The following ELAPOR2 variants were observed in gnomAD, a reference collection of about 807,000 sequenced individuals.
The protein encoded by ELAPOR2 is endosome-lysosome associated apoptosis and autophagy regulator family member 2.
In ELAPOR2, 89 loss-of-function variants were observed where a neutral mutation model predicts 120.7. The ratio of observed to expected loss-of-function variants is 0.74; its 90% CI spans 0.62 to 0.88. The LOEUF is 0.88. ELAPOR2 is among the 40% of genes least tolerant of loss of function. The probability of loss-of-function intolerance (pLI) is 0.00; values close to 1 mark genes in which losing one functional copy is unlikely to be tolerated. For synonymous variants in ELAPOR2, 444 were observed against 444.9 expected (o/e 1.00, Z 0.03); for missense variants, 1,134 against 1,251.6 (o/e 0.91, Z 1.42).
chr7:87,046,295 T>C (rs1794955320), intron 1 of ELAPOR2, among the ~76,000 whole-genome samples: 1 of 152,010 alleles, frequency 6.6e-6, no homozygotes, highest in Admixed American at 6.6e-5. Flanking sequence ...ATGAGAGAAA[T>C]TCAAGAGGCC....
intron 1 of ELAPOR2, among the ~76,000 whole-genome samples, chr7:87,006,121 C>T (rs1401575410): frequency 6.6e-6 from 1 of 152,088 alleles, no homozygotes; most frequent in Non-Finnish European, 1.5e-5. Context: ...GCTAGCTAAC[C>T]TTTTAGCACA....
At chr7:86,979,224 G>T (rs979583259) in intron 1 of ELAPOR2, among the ~76,000 whole-genome samples, 8 of 152,128 alleles carry the variant, frequency 5.3e-5, no homozygotes, top group Middle Eastern at 3.4e-3. Context: ...TAATTAAGAG[G>T]ACAAAAGTTG....
At chr7:86,977,621 CT>C (rs762330968) in intron 1 of ELAPOR2, among the ~76,000 whole-genome samples, 8 of 152,182 alleles carry the variant, frequency 5.3e-5, no homozygotes, top group Admixed American at 1.3e-4. Context: ...TCCAAAATAG[CT>C]TTACTTTCTA....
At chr7:87,037,760 C>A (rs1794635138) in intron 1 of ELAPOR2, among the ~76,000 whole-genome samples, 1 of 152,200 alleles carries the variant, frequency 6.6e-6, no homozygotes, top group Non-Finnish European at 1.5e-5. Context: ...CAAGTTGGCC[C>A]TTGAAATTAT....
At chr7:87,058,346 G>A (rs1027960515) in intron 1 of ELAPOR2, among the ~76,000 whole-genome samples, 3 of 152,130 alleles carry the variant, frequency 2.0e-5, no homozygotes, top group African/African-American at 7.2e-5. Flanking sequence ...ACGACCCATC[G>A]CCCTGATTCC....
Position 86,938,802 on chromosome 7 carries a change from T to C in ELAPOR2, c.1000+6A>G. ...AAGAAAAAAGCAGAGTATAAACTAGTTCTACCTGAAAATTGAGAGTCGTCT... is the reference window on the plus strand; with the variant it reads ...AAGAAAAAAGCAGAGTATAAACTAGCTCTACCTGAAAATTGAGAGTCGTCT... On this transcript the variant is annotated splice_donor_region_variant and intron_variant, in intron 7 of 21. Coordinates refer to ENST00000450689, the MANE Select transcript of ELAPOR2 (RefSeq NM_001142749.3). 6.2e-7 allele frequency: 1 copy of C among 1,612,768 alleles called. No individual in the cohort carries two copies. Among genetic ancestry groups the C allele is most frequent in the Non-Finnish European group, 8.5e-7 (1 of 1,179,052 alleles).
In ELAPOR2 at chr7:86,925,441, T is replaced by TA. The variant is rs1179961375; in HGVS notation, c.1399+86dup. ...ATAAGATTGAAGTTCCTCATACCCATACTTGGTATGTTTTAGAGAGCTAAG... is the reference window on the plus strand; with the variant it reads ...ATAAGATTGAAGTTCCTCATACCCATAACTTGGTATGTTTTAGAGAGCTAAG... On this transcript the variant is annotated intron_variant, in intron 10 of 21. Transcript: ENST00000450689. 7 of 1,371,296 alleles carry TA rather than the reference T, an allele frequency of 5.1e-6. No homozygotes were observed. In the African/African-American group the frequency reaches 1.0e-4, roughly 20 times the overall value. 84.9% of individuals were successfully genotyped at this position (1,371,296 alleles called of 1,614,324 possible). A position where few individuals can be genotyped will look rare whatever the true frequency, so the allele number is the denominator to read the frequency against.
intron 1 of ELAPOR2, among the ~76,000 whole-genome samples, chr7:86,993,536 C>T (rs1793022762): frequency 6.6e-6 from 1 of 152,138 alleles, no homozygotes; most frequent in African/African-American, 2.4e-5. Flanking sequence ...TAAGAGGAAT[C>T]TTACAAATAT....
intron 1 of ELAPOR2, among the ~76,000 whole-genome samples, chr7:87,052,954 G>GCCACCATT (rs1353495753): frequency 6.6e-6 from 1 of 151,944 alleles, no homozygotes; most frequent in African/African-American, 2.4e-5. Flanking sequence ...ATGCCACCAT[G>GCCACCATT]CCCAGCTGAT....
rs148005443 is a variant in ELAPOR2 at position 87,017,527 on chromosome 7, G to T, written c.189+41798C>A. ...GAATGAATATATGCTAAGGTATTAA[G>T]AGTACTCAGAATGCTTGGTTTGCTT... On this transcript the variant is annotated intron_variant, in intron 1 of 21. Transcript: ENST00000450689. Among the ~76,000 whole-genome samples, 6 of 152,268 alleles carry T rather than the reference G, an allele frequency of 3.9e-5. No individual in the cohort carries two copies. In the East Asian group the frequency reaches 9.6e-4, roughly 24 times the overall value.
intron 21 of ELAPOR2, among the ~76,000 whole-genome samples, chr7:86,888,145 G>T (rs931394573): frequency 3.9e-5 from 6 of 152,056 alleles, no homozygotes; most frequent in Admixed American, 3.9e-4. Flanking sequence ...ACCACCTGAT[G>T]AGTGCACTGC....
intron 2 of ELAPOR2, among the ~76,000 whole-genome samples, chr7:86,954,822 G>T (rs1205946285): frequency 6.6e-6 from 1 of 151,948 alleles, no homozygotes; most frequent in Non-Finnish European, 1.5e-5. Context: ...TTCTTCAATG[G>T]GTTAGTCTTA....
chr7:87,046,650 G>C (rs1383770604), intron 1 of ELAPOR2, among the ~76,000 whole-genome samples: 1 of 152,142 alleles, frequency 6.6e-6, no homozygotes, highest in East Asian at 1.9e-4. Context: ...GATAGTGAGT[G>C]AATTCTCATG....
In ELAPOR2 at chr7:87,059,346, G is replaced by C; in HGVS notation, c.168C>G (p.Arg56=). 1 of 1,248,234 alleles carries C rather than the reference G, an allele frequency of 8.0e-7. No homozygotes were observed. The highest frequency in any genetic ancestry group is 1.0e-6 in the Non-Finnish European group (1 of 988,718). 77.3% of individuals were successfully genotyped at this position (1,248,234 alleles called of 1,614,324 possible). The change falls in exon 1 of 22, where the codon CGC becomes CGG. Residue 56 remains arginine (R), a synonymous_variant. Transcript: ENST00000450689. ...WAGDLPSSSS[R]PLPPCQEKDY... ...TCACCTCCTGGCAAGGAGGAAGCGG[G>C]CGGCTGGAGGAGGAGGGCAGGTCCC...
intron 2 of ELAPOR2, among the ~76,000 whole-genome samples, chr7:86,963,157 G>A (rs1398470039): frequency 6.6e-6 from 1 of 152,132 alleles, no homozygotes; most frequent in African/African-American, 2.4e-5. Flanking sequence ...CATTTTTAAA[G>A]CAAGAATCAC....
intron 1 of ELAPOR2, among the ~76,000 whole-genome samples, chr7:86,983,769 C>G (rs56994317): frequency 1.3e-5 from 2 of 152,180 alleles, no homozygotes; most frequent in Admixed American, 6.5e-5. Context: ...TAGGAAGAAA[C>G]TGCATCAACT....
rs142219256 is a variant in ELAPOR2 at position 86,923,183 on chromosome 7, G to A, written c.1399+2345C>T. Among the ~76,000 whole-genome samples, 477 of 151,888 alleles carry A rather than the reference G, an allele frequency of 3.1e-3. 3 individuals are homozygous for A. Among genetic ancestry groups the A allele is most frequent in the African/African-American group, 0.01 (434 of 41,500 alleles). On this transcript the variant is annotated intron_variant, in intron 10 of 21. Transcript: ENST00000450689. ...TTGAGGTAAATAGCAATTAGTTAAT[G>A]GGCGCAAAAATACAGTTAAATACAA...
chr7:86,981,008 G>T (rs1323181655), intron 1 of ELAPOR2, among the ~76,000 whole-genome samples: 1 of 152,058 alleles, frequency 6.6e-6, no homozygotes, highest in East Asian at 1.9e-4. Context: ...ACAGATTCTG[G>T]GTGTTCATCT....
intron 1 of ELAPOR2, among the ~76,000 whole-genome samples, chr7:87,047,945 G>C (rs546782283): frequency 3.9e-5 from 6 of 152,260 alleles, no homozygotes; most frequent in African/African-American, 1.4e-4. Context: ...CAAATGAATG[G>C]ATAAAGAAAA....
Sources: allele counts gnomAD v4.1 joint callset (sites outside exome capture counted in the v4.1 genomes callset), GRCh38; gene constraint gnomAD v4.1.1; transcripts MANE v1.5; gene names NCBI Gene and HGNC (gene_info 2026-07-23, HGNC 2026-07-21).